AKAP6: variants seen among roughly 807,000 people sequenced by gnomAD.
AKAP6 encodes A-kinase anchoring protein 6, also known as A-kinase anchor protein 6.
In AKAP6, 58 loss-of-function variants were observed where a neutral mutation model predicts 188.5. That is an observed-to-expected ratio of 0.31 (90% CI 0.25 to 0.38). The LOEUF (loss-of-function observed/expected upper bound fraction) is 0.38, where lower values mean the gene tolerates loss of function less well. Among genes scored for constraint, AKAP6 ranks in the 10% least tolerant of loss-of-function variants. The pLI, the probability that AKAP6 is intolerant of heterozygous loss-of-function variation, is 1.00. For synonymous variants in AKAP6, 989 were observed against 998.6 expected (o/e 0.99, Z 0.18); for missense variants, 2,710 against 2,740.0 (o/e 0.99, Z 0.24).
chr14:32,590,055 A>G (rs1012185583), intron 5 of AKAP6, among the ~76,000 whole-genome samples: 5 of 152,218 alleles, frequency 3.3e-5, no homozygotes, highest in Non-Finnish European at 7.3e-5. Flanking sequence ...AGATCTTTAC[A>G]TTAGCCAGAA....
At chr14:32,656,035 A>G (rs1366106366) in intron 7 of AKAP6, among the ~76,000 whole-genome samples, 1 of 152,178 alleles carries the variant, frequency 6.6e-6, no homozygotes, top group Non-Finnish European at 1.5e-5. Flanking sequence ...GTTGGTTGAC[A>G]TGAAACATAA....
intron 2 of AKAP6, among the ~76,000 whole-genome samples, chr14:32,439,200 A>C (rs1335740911): frequency 2.0e-5 from 3 of 152,218 alleles, no homozygotes; most frequent in African/African-American, 7.2e-5. Flanking sequence ...ATCTGAAGTT[A>C]ATGCACATAC....
intron 1 of AKAP6, among the ~76,000 whole-genome samples, chr14:32,332,965 G>A (rs1412100182): frequency 6.6e-6 from 1 of 152,038 alleles, no homozygotes; most frequent in Non-Finnish European, 1.5e-5. Flanking sequence ...GTCATTATTG[G>A]GCTCTAAGGG....
In AKAP6 at chr14:32,831,964, G is replaced by T. The variant is rs1023065649; in HGVS notation, c.*2159G>T. On this transcript the variant is annotated 3_prime_UTR_variant, in exon 14 of 14. Transcript: ENST00000280979. ...AGTGCCACGCCAAGATCATTTAGAC[G>T]ATGCTTATCTGTAATTCTACCACTT... 6.6e-6 allele frequency: 1 copy of T among 152,070 alleles called. No individual in the cohort carries two copies. The highest frequency in any genetic ancestry group is 2.4e-5 in the African/African-American group (1 of 41,408). The allele number at this position is 152,070 out of a possible 1,614,324, so 9.4% of individuals were successfully genotyped here.
intron 7 of AKAP6, among the ~76,000 whole-genome samples, chr14:32,614,766 G>T (rs1165339951): frequency 2.0e-5 from 3 of 152,070 alleles, no homozygotes; most frequent in Non-Finnish European, 2.9e-5. Context: ...ATCACAGTTA[G>T]TCCATGAGGC....
intron 1 of AKAP6, among the ~76,000 whole-genome samples, chr14:32,366,242 G>A (rs554508585): frequency 2.1e-4 from 32 of 152,274 alleles, no homozygotes; most frequent in Non-Finnish European, 1.9e-4. Flanking sequence ...CACTTGCAGT[G>A]ACCTGATGCC....
rs145289522 is a variant in AKAP6 at position 32,499,255 on chromosome 14, T to C, written c.325-36299T>C. On this transcript the variant is annotated intron_variant, in intron 2 of 13. Transcript: ENST00000280979. ...TTCACCTTATGATTATTTGTTATGA[T>C]TTATCAACTTTTATCAAGCTATATT... Among the ~76,000 whole-genome samples the C allele has an allele frequency of 1.7e-3, 251 of 151,276 alleles. 1 individual carries two copies. The highest frequency in any genetic ancestry group is 6.8e-3 in the Middle Eastern group (2 of 292).
At chr14:32,504,617 G>A (rs899074067) in intron 2 of AKAP6, among the ~76,000 whole-genome samples, 1 of 152,064 alleles carries the variant, frequency 6.6e-6, no homozygotes, top group African/African-American at 2.4e-5. Context: ...TTATCTGATT[G>A]AATGTTTTTG....
intron 2 of AKAP6, among the ~76,000 whole-genome samples, chr14:32,489,495 C>G (rs190903366): frequency 6.0e-4 from 91 of 152,262 alleles, no homozygotes; most frequent in Non-Finnish European, 1.1e-3. Flanking sequence ...AGGCATGCAC[C>G]ACCATGCCCA....
intron 5 of AKAP6, among the ~76,000 whole-genome samples, chr14:32,588,401 G>A (rs1291837333): frequency 6.6e-6 from 1 of 152,132 alleles, no homozygotes; most frequent in Non-Finnish European, 1.5e-5. Flanking sequence ...GAACTTTATT[G>A]TAACACCAAT....
chr14:32,453,754 G>A (rs1032065469), intron 2 of AKAP6, among the ~76,000 whole-genome samples: 1 of 150,266 alleles, frequency 6.7e-6, no homozygotes, highest in African/African-American at 2.4e-5. Context: ...CCGCCACTGC[G>A]CCCGGCTAAT....
intron 2 of AKAP6, among the ~76,000 whole-genome samples, chr14:32,494,100 C>G (rs1880183390): frequency 1.3e-5 from 2 of 152,304 alleles, no homozygotes; most frequent in African/African-American, 4.8e-5. Context: ...CCATTCACGA[C>G]AGATTAATTT....
intron 1 of AKAP6, among the ~76,000 whole-genome samples, chr14:32,416,313 T>G (rs560694542): frequency 3.1e-3 from 465 of 152,324 alleles, no homozygotes; most frequent in Middle Eastern, 6.8e-3. Context: ...GTTGAGCATC[T>G]TTTTATGTGC....
chr14:32,452,339 T>C (rs892419444), intron 2 of AKAP6, among the ~76,000 whole-genome samples: 10 of 152,190 alleles, frequency 6.6e-5, no homozygotes, highest in Admixed American at 2.0e-4. Flanking sequence ...CAGCCTATGC[T>C]ATAATTTTTA....
chr14:32,418,974 C>T (rs1285355042), intron 1 of AKAP6, among the ~76,000 whole-genome samples: 1 of 151,986 alleles, frequency 6.6e-6, no homozygotes, highest in African/African-American at 2.4e-5. Flanking sequence ...ATTACTTGTT[C>T]TAGGGATTAT....
At chr14:32,489,210 T>G (rs981084976) in intron 2 of AKAP6, among the ~76,000 whole-genome samples, 1 of 152,190 alleles carries the variant, frequency 6.6e-6, no homozygotes, top group Admixed American at 6.5e-5. Context: ...TCATGATTGA[T>G]TGACTGATTA....
At chr14:32,662,719 C>A (rs188182157) in intron 7 of AKAP6, among the ~76,000 whole-genome samples, 1 of 152,078 alleles carries the variant, frequency 6.6e-6, no homozygotes, top group South Asian at 2.1e-4. Context: ...TTATAATTAG[C>A]AGGTAATCTG....
intron 10 of AKAP6, chr14:32,733,169 T>C (rs1001252389): frequency 1.3e-5 from 2 of 156,080 alleles, no homozygotes; most frequent in African/African-American, 4.8e-5. Flanking sequence ...AAAAGTTTCA[T>C]GTAATTCATT....
At chr14:32,521,372 A>C (rs1286542523) in intron 2 of AKAP6, among the ~76,000 whole-genome samples, 1 of 152,146 alleles carries the variant, frequency 6.6e-6, no homozygotes, top group East Asian at 1.9e-4. Flanking sequence ...AAGGGTATTC[A>C]ATTAGGAAAA....
Sources: gnomAD v4.1 joint callset for allele counts (sites outside exome capture counted in the v4.1 genomes callset) on GRCh38, gnomAD v4.1.1 for gene constraint, MANE v1.5 for transcripts, NCBI Gene and HGNC (gene_info 2026-07-23, HGNC 2026-07-21) for gene names.